The following PCDH15 variants were observed in gnomAD, a reference collection of about 807,000 sequenced individuals.
PCDH15 encodes the protein protocadherin related 15.
Under a neutral mutation model 178.5 loss-of-function variants are expected in PCDH15, and 129 were observed. The ratio of observed to expected loss-of-function variants is 0.72; its 90% confidence interval spans 0.63 to 0.84. PCDH15 has a LOEUF of 0.84. PCDH15 is among the 40% of genes least tolerant of loss of function. The pLI is 0.00. For missense variants in PCDH15, 2,230 were observed against 2,099.9 expected, an observed-to-expected ratio of 1.06 and a Z score of -1.21; for synonymous variants, 800 against 732.0, an observed-to-expected ratio of 1.09 and a Z score of -1.50.
At chr10:54,330,356 ATGTCAC>A (rs2133896477) in intron 6 of PCDH15, among the ~76,000 whole-genome samples, 1 of 152,046 alleles carries the variant, frequency 6.6e-6, no homozygotes, top group East Asian at 1.9e-4. Context: ...CCTGTACAGC[ATGTCAC>A]TGTACTGAAT....
At chr10:54,515,309 G>A (rs1026895916) in intron 3 of PCDH15, among the ~76,000 whole-genome samples, 5 of 152,278 alleles carry the variant, frequency 3.3e-5, no homozygotes, top group African/African-American at 7.2e-5. Context: ...CTTAAAAAAC[G>A]GCACACCAGG....
intron 29 of PCDH15, among the ~76,000 whole-genome samples, chr10:53,832,109 A>C (rs997376569): frequency 6.6e-6 from 1 of 151,212 alleles, no homozygotes. Flanking sequence ...AGAATGTTTT[A>C]TGGTCAAATG....
At chr10:54,779,430 A>ATGTG (rs1950058356) in intron 1 of PCDH15, among the ~76,000 whole-genome samples, 1 of 100,674 alleles carries the variant, frequency 9.9e-6, no homozygotes, top group African/African-American at 3.5e-5. Flanking sequence ...ATACACACAC[A>ATGTG]TATGTGTATA....
At chr10:54,897,928 G>A (rs1353564466) in intron 2 of PCDH15, among the ~76,000 whole-genome samples, 3 of 152,124 alleles carry the variant, frequency 2.0e-5, no homozygotes, top group African/African-American at 4.8e-5. Flanking sequence ...TATTAAAACA[G>A]CTTATGAAAA....
intron 3 of PCDH15, among the ~76,000 whole-genome samples, chr10:54,516,662 C>T (rs1036598951): frequency 4.6e-5 from 7 of 152,052 alleles, no homozygotes; most frequent in African/African-American, 1.4e-4. Flanking sequence ...GAGAACTTCC[C>T]CAACCTAGCA....
intron 18 of PCDH15, among the ~76,000 whole-genome samples, chr10:54,032,894 T>C (rs571820941): frequency 2.6e-5 from 4 of 151,994 alleles, no homozygotes; most frequent in South Asian, 2.1e-4. Context: ...CTTCTTTACC[T>C]GGTGACAGAA....
At chr10:53,818,640 G>GT (rs1387944107) in intron 33 of PCDH15, among the ~76,000 whole-genome samples, 1 of 152,036 alleles carries the variant, frequency 6.6e-6, no homozygotes, top group African/African-American at 2.4e-5. Context: ...TCACAAGATG[G>GT]TGAAACGTTT....
At chr10:54,412,486 G>C (rs2135662027) in intron 3 of PCDH15, among the ~76,000 whole-genome samples, 1 of 152,198 alleles carries the variant, frequency 6.6e-6, no homozygotes, top group South Asian at 2.1e-4. Context: ...GGATGACCAA[G>C]ACATCTCTGT....
At chr10:54,896,741 T>G (rs1390031185) in intron 3 of PCDH15, among the ~76,000 whole-genome samples, 1 of 152,086 alleles carries the variant, frequency 6.6e-6, no homozygotes, top group Non-Finnish European at 1.5e-5. Context: ...AAGAGTCTCT[T>G]CAAAGAGAAA....
At chr10:54,718,941 C>T (rs1175503946) in intron 1 of PCDH15, among the ~76,000 whole-genome samples, 28 of 151,846 alleles carry the variant, frequency 1.8e-4, no homozygotes, top group Admixed American at 1.4e-3. Context: ...CTGATCCACC[C>T]GCCTCAGTCT....
rs146481959 is a variant in PCDH15, at chr10:54,182,589, A to T, written c.1590+855T>A. Among the ~76,000 whole-genome samples the T allele has an allele frequency of 5.4e-3, 827 of 152,208 alleles. 6 individuals carry two copies. Among genetic ancestry groups the T allele is most frequent in the African/African-American group, 0.019 (770 of 41,522 alleles). ...AAGCACAGATAATGGTAAAAATAAG[A>T]TAAATCAGGAATAAAGATGTTGCCT... On this transcript the variant is annotated intron_variant, in intron 13 of 37. Coordinates refer to ENST00000644397, the MANE Select transcript of PCDH15 (RefSeq NM_001384140.1).
At chr10:55,361,044 CA>C (rs1845215494) in intron 2 of PCDH15, among the ~76,000 whole-genome samples, 1 of 151,810 alleles carries the variant, frequency 6.6e-6, no homozygotes, top group South Asian at 2.1e-4. Flanking sequence ...CAATTGCAAC[CA>C]AAAACATGAA....
intron 8 of PCDH15, among the ~76,000 whole-genome samples, chr10:54,306,518 G>C (rs2060480859): frequency 6.6e-6 from 1 of 151,908 alleles, no homozygotes; most frequent in South Asian, 2.1e-4. Flanking sequence ...TTTTGAGGGA[G>C]GTCAGTCTTT....
At chr10:54,620,214 A>G (rs923577676) in intron 2 of PCDH15, among the ~76,000 whole-genome samples, 3 of 152,016 alleles carry the variant, frequency 2.0e-5, no homozygotes, top group African/African-American at 7.2e-5. Flanking sequence ...TTTTATATAA[A>G]CATAAATTTT....
chr10:54,789,659 C>T (rs1243728159), intron 1 of PCDH15, among the ~76,000 whole-genome samples: 1 of 151,908 alleles, frequency 6.6e-6, no homozygotes, highest in African/African-American at 2.4e-5. Flanking sequence ...TTAAATGCAA[C>T]TATTTATAAA....
At chr10:54,136,466 C>G (rs1262329258) in intron 14 of PCDH15, among the ~76,000 whole-genome samples, 1 of 132,752 alleles carries the variant, frequency 7.5e-6, no homozygotes, top group Non-Finnish European at 1.6e-5. Context: ...AAGCTAGGCC[C>G]TTTCTGCTTC....
At chr10:53,865,601 A>G (rs1441811522) in intron 27 of PCDH15, among the ~76,000 whole-genome samples, 2 of 152,194 alleles carry the variant, frequency 1.3e-5, no homozygotes, top group African/African-American at 4.8e-5. Flanking sequence ...TGTCAAACTT[A>G]ATATCTCCTA....
At chr10:54,297,740 AG>A (rs1459563988) in intron 8 of PCDH15, among the ~76,000 whole-genome samples, 1 of 152,174 alleles carries the variant, frequency 6.6e-6, no homozygotes, top group Non-Finnish European at 1.5e-5. Context: ...TCCGATTTAA[AG>A]CAGATCAAGG....
At chr10:54,972,588 C>A (rs561970956) in intron 2 of PCDH15, among the ~76,000 whole-genome samples, 1 of 151,810 alleles carries the variant, frequency 6.6e-6, no homozygotes, top group South Asian at 2.1e-4. Context: ...GTGGCTCACG[C>A]CTGTAATCCC....
Sources: gnomAD v4.1 joint callset for allele counts (sites outside exome capture counted in the v4.1 genomes callset) on GRCh38, gnomAD v4.1.1 for gene constraint, MANE v1.5 for transcripts, NCBI Gene and HGNC (gene_info 2026-07-23, HGNC 2026-07-21) for gene names.